The following CYP3A4 variants were observed in gnomAD, a reference collection of about 807,000 sequenced individuals.
CYP3A4 encodes the protein cytochrome P450 3A4.
In CYP3A4, 41 loss-of-function variants were observed where a neutral mutation model predicts 54.9. The observed-to-expected ratio is 0.75, with a 90% CI of 0.58 to 0.97. CYP3A4 has a LOEUF of 0.97. CYP3A4 is among the 50% of genes least tolerant of loss of function. The pLI, the probability that CYP3A4 is intolerant of heterozygous loss-of-function variation, is 0.00. For synonymous variants in CYP3A4, 179 were observed against 205.2 expected (o/e 0.87, Z 1.09); for missense variants, 510 against 597.3 (o/e 0.85, Z 1.52).
At chr7:99,762,416 T>C (rs1426672401) in intron 10 of CYP3A4, 149 bp from the exon 11 acceptor site, 2 of 1,151,564 alleles carry the variant, frequency 1.7e-6, no homozygotes, top group African/African-American at 3.1e-5. Flanking sequence ...TTAATAACTG[T>C]CATGCCCATT....
chr7:99,779,615 G>A (rs192213980), intron 2 of CYP3A4, among the ~76,000 whole-genome samples: 71 of 152,348 alleles, frequency 4.7e-4, no homozygotes, highest in African/African-American at 1.6e-3. Context: ...CATGTACACA[G>A]ATAACAAGTC....
At chr7:99,769,337 GA>G in intron 6 of CYP3A4, among the ~76,000 whole-genome samples, 1 of 151,972 alleles carries the variant, frequency 6.6e-6, no homozygotes, top group Non-Finnish European at 1.5e-5. Context: ...GATATCCTCA[GA>G]AAAAAACATG....
Position 99,758,123 on chromosome 7 carries a change from T to G in CYP3A4, c.*10A>C. On this transcript the variant is annotated 3_prime_UTR_variant, in exon 13 of 13. Coordinates refer to ENST00000651514, the MANE Select transcript of CYP3A4 (RefSeq NM_017460.6). ...TTCTTGAAGAGCAAAGCAGAAGTCC[T>G]TAGGAAAATTCAGGCTCCACTTACG... 6.2e-7 allele frequency: 1 copy of G among 1,611,610 alleles called. No individual in the cohort carries two copies. The highest frequency in any genetic ancestry group is 8.5e-7 in the Non-Finnish European group (1 of 1,177,746).
chr7:99,764,149 G>T (rs759741768), intron 9 of CYP3A4, 134 bp from the exon 10 acceptor site: 41 of 1,324,188 alleles, frequency 3.1e-5, no homozygotes, highest in Admixed American at 1.6e-4. Context: ...AGGTACACTG[G>T]GGGTGGTTTC....
chr7:99,758,246 G>A lies in CYP3A4; in HGVS notation c.1417-18C>T, dbSNP rs375932085. On this transcript the variant is annotated intron_variant, in intron 12 of 12. Coordinates refer to ENST00000651514, the MANE Select transcript of CYP3A4 (RefSeq NM_017460.6). Reference sequence around the variant, plus strand: ...AGGGGGATCTGCAACAGTTAAACAAGCATATTGAGAAGCATTAAATAAACA... The same window carrying A: ...AGGGGGATCTGCAACAGTTAAACAAACATATTGAGAAGCATTAAATAAACA... 4 of 1,610,898 alleles carry A rather than the reference G, an allele frequency of 2.5e-6. No individual in the cohort carries two copies. The highest frequency in any genetic ancestry group is 1.1e-5 in the South Asian group (1 of 91,004).
intron 3 of CYP3A4, among the ~76,000 whole-genome samples, chr7:99,773,377 A>T (rs1436741784): frequency 6.6e-6 from 1 of 152,218 alleles, no homozygotes; most frequent in Non-Finnish European, 1.5e-5. Flanking sequence ...CTCCACCCCA[A>T]ATTAACAGAA....
At chr7:99,781,097 G>A (rs1394144353) in intron 1 of CYP3A4, among the ~76,000 whole-genome samples, 3 of 152,096 alleles carry the variant, frequency 2.0e-5, no homozygotes, top group Non-Finnish European at 4.4e-5. Context: ...TGTTGTCCTC[G>A]TGACAATGAG....
chr7:99,777,888 T>A, intron 3 of CYP3A4, 140 bp downstream of exon 3: 2 of 724,596 alleles, frequency 2.8e-6, no homozygotes, highest in Non-Finnish European at 4.9e-6. Context: ...TCTTCTTCTT[T>A]CAGAGAACTT....
At chr7:99,773,195 G>A (rs1474062699) in intron 3 of CYP3A4, among the ~76,000 whole-genome samples, 3 of 152,058 alleles carry the variant, frequency 2.0e-5, no homozygotes, top group Non-Finnish European at 4.4e-5. Flanking sequence ...GATTCATAAA[G>A]CAAGTTCTTA....
intron 3 of CYP3A4, 103 bp downstream of exon 3, chr7:99,777,925 G>C: frequency 1.1e-6 from 1 of 873,818 alleles, no homozygotes; most frequent in East Asian, 2.5e-5. Flanking sequence ...AGGTTGACAA[G>C]AGCTTCATCC....
chr7:99,780,715 T>C (rs568844003), intron 1 of CYP3A4, among the ~76,000 whole-genome samples: 2 of 152,338 alleles, frequency 1.3e-5, no homozygotes, highest in African/African-American at 4.8e-5. Context: ...GATTGACAAC[T>C]GTGCTCAAGG....
At chr7:99,771,976 A>G (rs1815646936) in intron 4 of CYP3A4, among the ~76,000 whole-genome samples, 1 of 152,162 alleles carries the variant, frequency 6.6e-6, no homozygotes, top group African/African-American at 2.4e-5. Flanking sequence ...AAAGCATTAA[A>G]CTTTATGACT....
At position 99,770,148 on chromosome 7, in the gene CYP3A4, T is replaced by C. The variant is rs748236460; in HGVS notation, c.406A>G (p.Thr136Ala). The change falls in exon 5 of 13, where the codon ACC becomes GCC. Residue 136 changes from threonine to alanine, a missense_variant. This residue lies in a region of CYP3A4 where 272 missense variants were observed against 274.9 expected (regional missense o/e 0.99). Coordinates refer to ENST00000651514, the MANE Select transcript of CYP3A4 (RefSeq NM_017460.6). ...WKRLRSLLSP[T>A]FTSGKLKEMV... is the part of the protein sequence containing the mutation. ...TCCTTGAGTTTTCCACTGGTGAAGG[T>C]TGGAGACAGCAATGATCGTAATCTC... 9.2e-5 allele frequency: 149 copies of C among 1,613,468 alleles called. 1 individual carries two copies. Among genetic ancestry groups the C allele is most frequent in the Admixed American group, 4.0e-4 (24 of 59,972 alleles).
intron 10 of CYP3A4, among the ~76,000 whole-genome samples, chr7:99,763,165 G>C (rs1051318780): frequency 4.6e-5 from 7 of 152,160 alleles, no homozygotes; most frequent in Non-Finnish European, 8.8e-5. Context: ...GGCTCCGTCA[G>C]ACTACAGCCA....
At chr7:99,763,665 G>T (rs1474192398) in intron 10 of CYP3A4, among the ~76,000 whole-genome samples, 190 bp downstream of exon 10, 2 of 152,184 alleles carry the variant, frequency 1.3e-5, no homozygotes, top group African/African-American at 4.8e-5. Flanking sequence ...GTTTTACAAA[G>T]ATCTTACGCT....
At chr7:99,762,845 G>A (rs1194989843) in intron 10 of CYP3A4, among the ~76,000 whole-genome samples, 4 of 152,076 alleles carry the variant, frequency 2.6e-5, no homozygotes, top group Non-Finnish European at 5.9e-5. Flanking sequence ...TTGCTTCAGG[G>A]CTGGACTGTA....
Position 99,779,988 on chromosome 7 carries a change from T to C in CYP3A4, c.165+4A>G, listed in dbSNP as rs1220296454. On this transcript the variant is annotated splice_donor_region_variant and intron_variant, in intron 2 of 12. Transcript: ENST00000651514. ...AGCAAAAGAGTGAGCTCAAAAACACTCACCTTATGGTAGGACAAAATATTT... is the reference window on the plus strand; with the variant it reads ...AGCAAAAGAGTGAGCTCAAAAACACCCACCTTATGGTAGGACAAAATATTT... 6.2e-7 allele frequency: 1 copy of C among 1,611,166 alleles called. No individual in the cohort carries two copies.
At chr7:99,765,513 T>C (rs1203990250) in intron 9 of CYP3A4, among the ~76,000 whole-genome samples, 1 of 151,958 alleles carries the variant, frequency 6.6e-6, no homozygotes, top group Non-Finnish European at 1.5e-5. Flanking sequence ...GATACATAGC[T>C]AGATAGATAC....
At chr7:99,773,223 T>G (rs1162776316) in intron 3 of CYP3A4, among the ~76,000 whole-genome samples, 1 of 152,056 alleles carries the variant, frequency 6.6e-6, no homozygotes, top group African/African-American at 2.4e-5. Flanking sequence ...ACAAAGAGAC[T>G]AAGATTTCCA....
Sources: allele counts gnomAD v4.1 joint callset (sites outside exome capture counted in the v4.1 genomes callset), GRCh38; gene constraint gnomAD v4.1.1; regional missense constraint gnomAD v4.1.1; transcripts MANE v1.5; gene names NCBI Gene and HGNC (gene_info 2026-07-23, HGNC 2026-07-21).